The following RFC3 variants were observed in gnomAD, a reference collection of about 807,000 sequenced individuals.
RFC3 encodes replication factor C subunit 3.
A neutral mutation model predicts 45.1 loss-of-function variants in RFC3; 41 were observed. The observed-to-expected ratio is 0.91, with a 90% CI of 0.71 to 1.18. The LOEUF (loss-of-function observed/expected upper bound fraction) is 1.18, where lower values mean the gene tolerates loss of function less well. Ranked by LOEUF, RFC3 falls within the 50% of genes most tolerant of loss-of-function variation. RFC3 has a pLI of 0.00. For missense variants in RFC3, 423 were observed against 428.1 expected, an observed-to-expected ratio of 0.99 and a Z score of 0.10; for synonymous variants, 149 against 144.0, an observed-to-expected ratio of 1.03 and a Z score of -0.25.
chr13:33,867,658 C>G (rs1019112797), intron 8 of RFC3, among the ~76,000 whole-genome samples: 1 of 152,150 alleles, frequency 6.6e-6, no homozygotes, highest in African/African-American at 2.4e-5. Context: ...CTGCCCCCTA[C>G]AGGCCAGACC....
intron 3 of RFC3, 112 bp from the exon 4 acceptor site, chr13:33,825,677 G>A (rs1271091423): frequency 2.1e-6 from 1 of 483,490 alleles, no homozygotes; most frequent in Non-Finnish European, 3.5e-6. Context: ...TATAATTATA[G>A]TTAAGTGATA....
At chr13:33,960,290 C>A (rs1274521752) in intron 8 of RFC3, among the ~76,000 whole-genome samples, 1 of 152,138 alleles carries the variant, frequency 6.6e-6, no homozygotes, top group Non-Finnish European at 1.5e-5. Flanking sequence ...AAGATCTGGT[C>A]TTCAGGCCGG....
intron 4 of RFC3, among the ~76,000 whole-genome samples, chr13:33,827,146 A>G (rs3135585): frequency 6.6e-6 from 1 of 152,140 alleles, no homozygotes; most frequent in East Asian, 1.9e-4. Context: ...AACTTTTGCT[A>G]GGCACAGTGG....
At chr13:33,909,662 GTTCT>G (rs1442157583) in intron 8 of RFC3, among the ~76,000 whole-genome samples, 4 of 151,984 alleles carry the variant, frequency 2.6e-5, no homozygotes, top group Non-Finnish European at 2.9e-5. Flanking sequence ...GCCCTAGGTT[GTTCT>G]TTCTTCAGCC....
intron 8 of RFC3, among the ~76,000 whole-genome samples, chr13:33,959,216 G>GC (rs1043837357): frequency 6.6e-6 from 1 of 152,086 alleles, no homozygotes; most frequent in African/African-American, 2.4e-5. Flanking sequence ...TGTGGTCTCT[G>GC]CTCTCCTTCT....
intron 8 of RFC3, among the ~76,000 whole-genome samples, chr13:33,917,633 T>G (rs2082741589): frequency 6.6e-6 from 1 of 152,090 alleles, no homozygotes; most frequent in Non-Finnish European, 1.5e-5. Context: ...CCATTTAATT[T>G]CCTTCTCAAA....
At chr13:33,940,159 A>C (rs1025440407) in intron 8 of RFC3, among the ~76,000 whole-genome samples, 1 of 152,130 alleles carries the variant, frequency 6.6e-6, no homozygotes, top group African/African-American at 2.4e-5. Context: ...CTAAATTCCT[A>C]AATTGAATTC....
rs116607272 is a variant in RFC3, at chr13:33,963,765, C to T, written c.880-2322C>T. Among the ~76,000 whole-genome samples the T allele has an allele frequency of 6.4e-3, 979 of 152,176 alleles. 15 individuals are homozygous for T. The highest frequency in any genetic ancestry group is 0.023 in the African/African-American group (951 of 41,498). Reference sequence around the variant, plus strand: ...TGACAGTTAATGAAGAGAAAGTGAACGTGTTATCACGGCCAACACTGAGAT... The same window carrying T: ...TGACAGTTAATGAAGAGAAAGTGAATGTGTTATCACGGCCAACACTGAGAT... On this transcript the variant is annotated intron_variant, in intron 8 of 8. Transcript: ENST00000434425.
At chr13:33,835,434 G>A in intron 8 of RFC3, 1 of 705,884 alleles carries the variant, frequency 1.4e-6, no homozygotes, top group South Asian at 1.4e-5. Flanking sequence ...TATTCTAGTG[G>A]TGTGAAAAGG....
chr13:33,852,068 A>C (rs77590358), intron 8 of RFC3, among the ~76,000 whole-genome samples: 2 of 152,218 alleles, frequency 1.3e-5, no homozygotes, highest in African/African-American at 4.8e-5. Context: ...GTATTGCACT[A>C]TCTGAATTGC....
chr13:33,933,821 A>G (rs2082868049), intron 8 of RFC3, among the ~76,000 whole-genome samples: 1 of 152,120 alleles, frequency 6.6e-6, no homozygotes, highest in Non-Finnish European at 1.5e-5. Context: ...ATATTCTTTT[A>G]AAGTTAAAAT....
intron 8 of RFC3, among the ~76,000 whole-genome samples, chr13:33,923,355 C>CA (rs931071421): frequency 1.3e-5 from 2 of 151,904 alleles, no homozygotes; most frequent in African/African-American, 4.8e-5. Context: ...CAGCTGGGCC[C>CA]AAAAAATGCC....
chr13:33,916,197 C>A (rs2137717182), intron 8 of RFC3, among the ~76,000 whole-genome samples: 2 of 152,296 alleles, frequency 1.3e-5, no homozygotes, highest in South Asian at 4.1e-4. Context: ...CAGGTGCCTG[C>A]CATTTGCATG....
intron 8 of RFC3, among the ~76,000 whole-genome samples, chr13:33,904,691 A>G (rs886996371): frequency 1.3e-5 from 2 of 151,914 alleles, no homozygotes; most frequent in Admixed American, 6.6e-5. Flanking sequence ...CCCTTCCACA[A>G]TCTGGCCTTA....
chr13:33,839,389 C>T (rs2082180884), downstream of RFC3, among the ~76,000 whole-genome samples: 1 of 152,210 alleles, frequency 6.6e-6, no homozygotes, highest in South Asian at 2.1e-4. Flanking sequence ...GATGTTGAAT[C>T]AAGTCCACTG....
intron 8 of RFC3, among the ~76,000 whole-genome samples, chr13:33,852,453 G>C (rs999143092): frequency 6.6e-6 from 1 of 152,106 alleles, no homozygotes; most frequent in African/African-American, 2.4e-5. Context: ...TTATATTTTG[G>C]CTTCCCACTG....
At chr13:33,876,712 G>C (rs1290760514) in intron 8 of RFC3, among the ~76,000 whole-genome samples, 1 of 152,186 alleles carries the variant, frequency 6.6e-6, no homozygotes, top group African/African-American at 2.4e-5. Flanking sequence ...AGTTGAACGA[G>C]CATGGGATTA....
intron 8 of RFC3, among the ~76,000 whole-genome samples, chr13:33,900,879 CA>C (rs1369630550): frequency 6.7e-6 from 1 of 148,228 alleles, no homozygotes; most frequent in African/African-American, 2.5e-5. Flanking sequence ...TGAAAATGGA[CA>C]AAAAATGTGA....
At chr13:33,833,407 T>C (rs1289345571) in intron 7 of RFC3, among the ~76,000 whole-genome samples, 3 of 152,130 alleles carry the variant, frequency 2.0e-5, no homozygotes, top group African/African-American at 7.2e-5. Flanking sequence ...ATTAGGTACC[T>C]TGTTCAGGTA....
Sources: gnomAD v4.1 joint callset for allele counts (sites outside exome capture counted in the v4.1 genomes callset) on GRCh38, gnomAD v4.1.1 for gene constraint, MANE v1.5 for transcripts, NCBI Gene and HGNC (gene_info 2026-07-23, HGNC 2026-07-21) for gene names.